TSHZ2: variants seen among roughly 807,000 people sequenced by gnomAD.
TSHZ2 encodes teashirt homolog 2.
In TSHZ2, 21 loss-of-function variants were observed where a neutral mutation model predicts 74.4. The ratio of observed to expected loss-of-function variants is 0.28; its 90% CI spans 0.20 to 0.41. The LOEUF is 0.41. Ranked by LOEUF, TSHZ2 falls within the 10% of genes least tolerant of loss-of-function variation. The probability of loss-of-function intolerance (pLI) is 1.00; values close to 1 mark genes in which losing one functional copy is unlikely to be tolerated. For missense variants in TSHZ2, 1,244 were observed against 1,293.5 expected (o/e 0.96, Z 0.59); for synonymous variants, 540 against 515.3 (o/e 1.05, Z -0.65).
At chr20:53,340,435 T>G (rs1165713494) in intron 2 of TSHZ2, among the ~76,000 whole-genome samples, 1 of 152,098 alleles carries the variant, frequency 6.6e-6, no homozygotes, top group Non-Finnish European at 1.5e-5. Flanking sequence ...CCGCCTGCCT[T>G]GGCCTCCCAA....
At chr20:53,277,247 T>C (rs1009291093) in intron 2 of TSHZ2, among the ~76,000 whole-genome samples, 3 of 150,974 alleles carry the variant, frequency 2.0e-5, no homozygotes, top group Admixed American at 2.0e-4. Flanking sequence ...AAAAGTATTT[T>C]GGAAGCAATG....
intron 2 of TSHZ2, among the ~76,000 whole-genome samples, chr20:53,336,103 A>T (rs1446842778): frequency 2.0e-5 from 3 of 152,230 alleles, no homozygotes; most frequent in Non-Finnish European, 2.9e-5. Flanking sequence ...ATCAGGTAAA[A>T]TGCAAGCATA....
rs1193622313 is a variant in TSHZ2, at chr20:53,487,513, G to C, written c.*378G>C. ...GTACTTATTTTGTCAGTTTGTAACAGGAAAGTGGGGGGGAGTCTAAGTCTT... is the reference window on the plus strand; with the variant it reads ...GTACTTATTTTGTCAGTTTGTAACACGAAAGTGGGGGGGAGTCTAAGTCTT... On this transcript the variant is annotated 3_prime_UTR_variant, in exon 3 of 3. Transcript: ENST00000371497. 1 of 152,096 alleles carries C rather than the reference G, an allele frequency of 6.6e-6. No homozygotes were observed. The highest frequency in any genetic ancestry group is 1.5e-5 in the Non-Finnish European group (1 of 68,018). 9.4% of individuals were successfully genotyped at this position (152,096 alleles called of 1,614,324 possible).
At chr20:52,994,455 T>C (rs1982106726) in intron 1 of TSHZ2, among the ~76,000 whole-genome samples, 1 of 151,640 alleles carries the variant, frequency 6.6e-6, no homozygotes. Context: ...AATGGACGGA[T>C]GGATGGATGG....
intron 2 of TSHZ2, among the ~76,000 whole-genome samples, chr20:53,291,472 CAAAA>C (rs11478745): frequency 0.02 from 1,987 of 101,738 alleles, 48 homozygotes; most frequent in African/African-American, 0.065. Flanking sequence ...GACTCTGTCT[CAAAA>C]AAAAAAAAAA....
chr20:53,023,537 G>A (rs1182243425), intron 1 of TSHZ2, among the ~76,000 whole-genome samples: 2 of 152,076 alleles, frequency 1.3e-5, no homozygotes, highest in Non-Finnish European at 2.9e-5. Context: ...TCTAAGTGGT[G>A]GAAGATGTGA....
intron 1 of TSHZ2, among the ~76,000 whole-genome samples, chr20:53,005,718 T>G (rs1484700891): frequency 6.6e-6 from 1 of 152,192 alleles, no homozygotes. Flanking sequence ...AACAAACCTT[T>G]GTGTATATAG....
At chr20:53,288,545 A>T (rs1991215576) in intron 2 of TSHZ2, among the ~76,000 whole-genome samples, 1 of 152,190 alleles carries the variant, frequency 6.6e-6, no homozygotes, top group Non-Finnish European at 1.5e-5. Flanking sequence ...TAGTCTTGGC[A>T]TCCCATCAAC....
intron 2 of TSHZ2, among the ~76,000 whole-genome samples, chr20:53,294,059 G>T (rs1991331675): frequency 6.6e-6 from 1 of 152,106 alleles, no homozygotes; most frequent in Non-Finnish European, 1.5e-5. Flanking sequence ...GTCCTGATTT[G>T]CCGTGTTGAC....
At chr20:53,472,989 C>G (rs570401379) in intron 2 of TSHZ2, among the ~76,000 whole-genome samples, 4 of 151,962 alleles carry the variant, frequency 2.6e-5, no homozygotes, top group Admixed American at 6.5e-5. Flanking sequence ...TATCCCGCAC[C>G]TGGCTGGGAG....
At chr20:53,148,981 C>A (rs980042878) in intron 1 of TSHZ2, among the ~76,000 whole-genome samples, 8 of 152,156 alleles carry the variant, frequency 5.3e-5, no homozygotes, top group Non-Finnish European at 7.3e-5. Flanking sequence ...ATATCCAGAG[C>A]ACTGCAAAGA....
intron 1 of TSHZ2, among the ~76,000 whole-genome samples, chr20:53,185,902 A>G (rs1241687605): frequency 6.6e-6 from 1 of 152,198 alleles, no homozygotes; most frequent in African/African-American, 2.4e-5. Flanking sequence ...TTCTTTCATC[A>G]TGGCTTTTAG....
chr20:53,158,778 CCG>C (rs1371782868), intron 1 of TSHZ2, among the ~76,000 whole-genome samples: 2 of 152,198 alleles, frequency 1.3e-5, no homozygotes, highest in Non-Finnish European at 2.9e-5. Flanking sequence ...TTCATCACCA[CCG>C]CCTGTTCCAG....
intron 2 of TSHZ2, among the ~76,000 whole-genome samples, chr20:53,266,262 G>A (rs1990714697): frequency 6.6e-6 from 1 of 152,158 alleles, no homozygotes. Flanking sequence ...GTAAAGAGAT[G>A]AAGGAGGGAC....
At chr20:53,176,900 A>G (rs1162133559) in intron 1 of TSHZ2, among the ~76,000 whole-genome samples, 1 of 151,920 alleles carries the variant, frequency 6.6e-6, no homozygotes, top group African/African-American at 2.4e-5. Flanking sequence ...TTGGCCAGGA[A>G]GGTCTCGAAC....
At chr20:53,384,982 A>G (rs925798048) in intron 2 of TSHZ2, among the ~76,000 whole-genome samples, 3 of 152,038 alleles carry the variant, frequency 2.0e-5, no homozygotes, top group Non-Finnish European at 4.4e-5. Flanking sequence ...TTAGCCGGGC[A>G]TAGTGGCGGG....
chr20:53,399,861 C>G (rs1380691327), intron 2 of TSHZ2: 2 of 152,204 alleles, frequency 1.3e-5, no homozygotes, highest in South Asian at 2.1e-4. Flanking sequence ...TTTTTGAAAT[C>G]AGTTCAAGTC....
At chr20:53,089,641 GTAA>G (rs940297189) in intron 1 of TSHZ2, among the ~76,000 whole-genome samples, 9 of 152,154 alleles carry the variant, frequency 5.9e-5, no homozygotes, top group East Asian at 1.9e-4. Context: ...TTTTCACACA[GTAA>G]TAATAGCTAT....
At chr20:53,196,321 T>C (rs1035140650) in intron 1 of TSHZ2, 2 of 145,808 alleles carry the variant, frequency 1.4e-5, no homozygotes, top group African/African-American at 5.2e-5. Context: ...GCAAATCTTG[T>C]TCAGGCCAAG....
Sources: gnomAD v4.1 joint callset for allele counts (sites outside exome capture counted in the v4.1 genomes callset) on GRCh38, gnomAD v4.1.1 for gene constraint, MANE v1.5 for transcripts, NCBI Gene and HGNC (gene_info 2026-07-23, HGNC 2026-07-21) for gene names.